The following FHIT variants were observed in gnomAD, a reference collection of about 807,000 sequenced individuals.
The protein encoded by FHIT is fragile histidine triad diadenosine triphosphatase.
In FHIT, 19 loss-of-function variants were observed where a neutral mutation model predicts 17.9. The ratio of observed to expected loss-of-function variants is 1.06; its 90% CI spans 0.74 to 1.56. The LOEUF is 1.56. Among genes scored for constraint, FHIT ranks in the 40% most tolerant of loss-of-function variants. FHIT has a pLI of 0.00. For missense variants in FHIT, 248 were observed against 189.2 expected, an observed-to-expected ratio of 1.31 and a Z score of -1.82; for synonymous variants, 81 against 69.7, an observed-to-expected ratio of 1.16 and a Z score of -0.81.
chr3:61,060,654 C>T (rs1363574836), intron 2 of FHIT, among the ~76,000 whole-genome samples: 1 of 152,218 alleles, frequency 6.6e-6, no homozygotes, highest in African/African-American at 2.4e-5. Context: ...CCCTATGGCC[C>T]AAATGTGTGA....
chr3:60,614,641 T>C (rs1034266601), intron 4 of FHIT, among the ~76,000 whole-genome samples: 1 of 151,846 alleles, frequency 6.6e-6, no homozygotes, highest in African/African-American at 2.4e-5. Context: ...CTAAGTCTAT[T>C]TGGGTGCCAA....
chr3:60,802,062 T>C (rs1265672419), intron 4 of FHIT, among the ~76,000 whole-genome samples: 1 of 152,236 alleles, frequency 6.6e-6, no homozygotes, highest in Non-Finnish European at 1.5e-5. Flanking sequence ...AGGACTCAAA[T>C]GCACAGTTCA....
At chr3:59,963,105 C>T (rs1180172201) in intron 7 of FHIT, among the ~76,000 whole-genome samples, 1 of 151,760 alleles carries the variant, frequency 6.6e-6, no homozygotes, top group African/African-American at 2.4e-5. Flanking sequence ...AATACACACA[C>T]ATAAAAAAAA....
intron 4 of FHIT, among the ~76,000 whole-genome samples, chr3:60,796,906 T>C (rs1284209900): frequency 6.6e-6 from 1 of 152,232 alleles, no homozygotes; most frequent in Non-Finnish European, 1.5e-5. Context: ...TTCTAATTTA[T>C]TGCATTGTAA....
intron 3 of FHIT, among the ~76,000 whole-genome samples, chr3:60,926,582 T>A (rs57416400): frequency 2.6e-5 from 4 of 152,150 alleles, no homozygotes; most frequent in African/African-American, 9.7e-5. Flanking sequence ...TTTATAGCAC[T>A]AAATGCCCAC....
intron 3 of FHIT, among the ~76,000 whole-genome samples, chr3:60,916,016 C>G (rs1309877752): frequency 6.6e-6 from 1 of 152,102 alleles, no homozygotes; most frequent in Non-Finnish European, 1.5e-5. Context: ...TCCATGACTA[C>G]AAATAATGGC....
intron 7 of FHIT, among the ~76,000 whole-genome samples, chr3:60,001,437 T>C (rs564966977): frequency 2.6e-5 from 4 of 152,238 alleles, no homozygotes; most frequent in African/African-American, 9.6e-5. Context: ...TAGTAGGTGA[T>C]AGAAGAATAA....
intron 5 of FHIT, among the ~76,000 whole-genome samples, chr3:60,342,373 G>A (rs750005729): frequency 1.3e-5 from 2 of 152,196 alleles, no homozygotes; most frequent in Non-Finnish European, 2.9e-5. Context: ...CACAGGGTCT[G>A]AGATTCTCAT....
chr3:60,031,457 G>C (rs952316472), intron 5 of FHIT, among the ~76,000 whole-genome samples: 2 of 152,210 alleles, frequency 1.3e-5, no homozygotes, highest in Non-Finnish European at 2.9e-5. Flanking sequence ...TCTGAATCCA[G>C]CATATGACCT....
intron 3 of FHIT, among the ~76,000 whole-genome samples, chr3:60,957,716 C>G (rs776450517): frequency 3.3e-5 from 5 of 152,228 alleles, no homozygotes; most frequent in Non-Finnish European, 5.9e-5. Context: ...CACTTCCTCT[C>G]GGAAGCCCAG....
intron 3 of FHIT, among the ~76,000 whole-genome samples, chr3:60,908,381 A>G (rs531238593): frequency 5.3e-5 from 8 of 152,354 alleles, no homozygotes; most frequent in South Asian, 2.1e-4. Flanking sequence ...TGAAAATGCC[A>G]TTATAGAGCA....
intron 7 of FHIT, among the ~76,000 whole-genome samples, chr3:59,930,730 G>T (rs1052147977): frequency 6.6e-6 from 1 of 152,170 alleles, no homozygotes; most frequent in Non-Finnish European, 1.5e-5. Flanking sequence ...AGGAAACGTT[G>T]GGGGGTGGTA....
At chr3:60,945,732 T>C (rs1250204211) in intron 3 of FHIT, among the ~76,000 whole-genome samples, 1 of 152,180 alleles carries the variant, frequency 6.6e-6, no homozygotes, top group Admixed American at 6.5e-5. Context: ...GGTAGGCTTG[T>C]AGATTTGCTA....
chr3:61,061,998 C>A (rs895135238), intron 2 of FHIT, among the ~76,000 whole-genome samples: 11 of 152,020 alleles, frequency 7.2e-5, no homozygotes, highest in Non-Finnish European at 2.9e-5. Flanking sequence ...CATGTCAATT[C>A]ATAGAGATGC....
chr3:59,890,335 A>G (rs1307952891), intron 8 of FHIT, among the ~76,000 whole-genome samples: 1 of 152,094 alleles, frequency 6.6e-6, no homozygotes, highest in Non-Finnish European at 1.5e-5. Context: ...ATGGCCATAA[A>G]TACGGACTGA....
chr3:60,446,336 C>G (rs1439161547), intron 5 of FHIT, among the ~76,000 whole-genome samples: 1 of 152,108 alleles, frequency 6.6e-6, no homozygotes, highest in African/African-American at 2.4e-5. Flanking sequence ...GATGGTATCT[C>G]CCACCAAAGA....
chr3:59,927,542 C>T (rs1960248), intron 7 of FHIT, among the ~76,000 whole-genome samples: 6,105 of 150,660 alleles, frequency 0.041, 417 homozygotes, highest in African/African-American at 0.14. Flanking sequence ...CCGAGGCGGG[C>T]GGATCACGAG....
At position 60,930,105 on chromosome 3, in the gene FHIT, G is replaced by A. The variant is rs1389666707; in HGVS notation, c.-110-108094C>T. Among the ~76,000 whole-genome samples the A allele has an allele frequency of 4.6e-5, 7 of 151,976 alleles. No individual in the cohort carries two copies. In the South Asian group the frequency reaches 8.3e-4, roughly 18 times the overall value. On this transcript the variant is annotated intron_variant, in intron 3 of 9. Transcript: ENST00000492590. ...TCTTTGACAAACCTGAGAAAAACAA[G>A]CAGTGGGGAAAGGATTCCCTATTTA...
chr3:60,114,055 AT>A lies in FHIT; in HGVS notation c.104-99904del, dbSNP rs1165202969. Among the ~76,000 whole-genome samples the A allele has an allele frequency of 7.0e-5, 7 of 99,718 alleles. 1 individual carries two copies. The highest frequency in any genetic ancestry group is 2.3e-4 in the Admixed American group (2 of 8,604). The allele number at this position is 99,718 out of a possible 152,430, so 65.4% of individuals were successfully genotyped here. A position where few individuals can be genotyped will look rare whatever the true frequency, so the allele number is the denominator to read the frequency against. On this transcript the variant is annotated intron_variant, in intron 5 of 9. Coordinates refer to ENST00000492590, the MANE Select transcript of FHIT (RefSeq NM_002012.4). Reference sequence around the variant, plus strand: ...AAAAAAAATATATATATATATATATATATATATATATATATATAATGTTATA... The same window carrying A: ...AAAAAAAATATATATATATATATATAATATATATATATATATAATGTTATA...
Sources: gnomAD v4.1 joint callset for allele counts (sites outside exome capture counted in the v4.1 genomes callset) on GRCh38, gnomAD v4.1.1 for gene constraint, MANE v1.5 for transcripts, NCBI Gene and HGNC (gene_info 2026-07-23, HGNC 2026-07-21) for gene names.